Variants in RSPH9 observed in about 807,000 individuals in gnomAD.
The protein encoded by RSPH9 is radial spoke head protein 9 homolog.
RSPH9 carries 27 observed loss-of-function variants against 27.0 expected under a neutral mutation model. The ratio of observed to expected loss-of-function variants is 1.00; its 90% CI spans 0.74 to 1.38. The LOEUF is 1.38. Ranked by LOEUF, RSPH9 falls within the 40% of genes most tolerant of loss-of-function variation. The pLI, the probability that RSPH9 is intolerant of heterozygous loss-of-function variation, is 0.00. For missense variants in RSPH9, 347 were observed against 357.4 expected (o/e 0.97, Z 0.24); for synonymous variants, 145 against 147.7 (o/e 0.98, Z 0.13).
At position 43,645,264 on chromosome 6, in the gene RSPH9, G is replaced by T; in HGVS notation, c.166G>T (p.Asp56Tyr). 6.2e-7 allele frequency: 1 copy of T among 1,613,858 alleles called. No homozygotes were observed. The highest frequency in any genetic ancestry group is 8.5e-7 in the Non-Finnish European group (1 of 1,179,968). The change falls in exon 1 of 5, where the codon GAT (aspartate) becomes TAT (tyrosine). Residue 56 changes from aspartate (D) to tyrosine (Y), a missense_variant. Transcript: ENST00000372163. ...GGGCCGCATCCTTGGCCTCGTCGCCGATTACTACATCGCGCAGGGCCTGAG... is the reference window on the plus strand; with the variant it reads ...GGGCCGCATCCTTGGCCTCGTCGCCTATTACTACATCGCGCAGGGCCTGAG... ...FWGRILGLVA[D>Y]YYIAQGLSED...
intron 2 of RSPH9, among the ~76,000 whole-genome samples, chr6:43,651,753 T>C (rs1771492654): frequency 6.6e-6 from 1 of 152,096 alleles, no homozygotes; most frequent in Admixed American, 6.5e-5. Context: ...TTTACCATGT[T>C]GGCCAGGCTG....
intron 4 of RSPH9, among the ~76,000 whole-genome samples, chr6:43,667,403 G>C (rs1004636878): frequency 2.1e-5 from 3 of 145,724 alleles, no homozygotes; most frequent in African/African-American, 8.4e-5. Context: ...CTCAGTTCAG[G>C]CAGCAGAGGG....
rs766022132 is a variant in RSPH9, at chr6:43,656,609, T to G, written c.556T>G (p.Ser186Ala). 5.0e-6 allele frequency: 8 copies of G among 1,614,186 alleles called. No homozygotes were observed. Among genetic ancestry groups the G allele is most frequent in the Non-Finnish European group, 6.8e-6 (8 of 1,180,012 alleles). ...CTTGTCTGAGGCCAAGAAGCTCAGCTCCTACTTCCATTTCAGGGAGCCTGT... is the reference window on the plus strand; with the variant it reads ...CTTGTCTGAGGCCAAGAAGCTCAGCGCCTACTTCCATTTCAGGGAGCCTGT... Reference protein sequence around the residue: ...LSLSEAKKLSSYFHFREPVEL... With the variant: ...LSLSEAKKLSAYFHFREPVEL... Residue 186 changes from serine to alanine, a missense_variant, in exon 4 of 5, where the codon TCC becomes GCC. Coordinates refer to ENST00000372163, the MANE Select transcript of RSPH9 (RefSeq NM_152732.5).
chr6:43,665,138 C>A (rs1773019323), intron 4 of RSPH9, among the ~76,000 whole-genome samples: 1 of 152,194 alleles, frequency 6.6e-6, no homozygotes, highest in Non-Finnish European at 1.5e-5. Flanking sequence ...ATCCACTGTG[C>A]AGCAAGAGGG....
intron 3 of RSPH9, 35 bp downstream of exon 3, chr6:43,655,726 G>T (rs371995173): frequency 3.9e-5 from 63 of 1,613,280 alleles, no homozygotes; most frequent in Non-Finnish European, 4.8e-5. Context: ...AGGGCTGGGG[G>T]TATCTTTTCC....
intron 2 of RSPH9, among the ~76,000 whole-genome samples, chr6:43,651,254 A>G (rs1387532620): frequency 6.6e-6 from 1 of 152,002 alleles, no homozygotes; most frequent in African/African-American, 2.4e-5. Flanking sequence ...CAGTTCAGAG[A>G]GGTTAAGTGA....
chr6:43,663,955 G>A (rs1772879909), intron 4 of RSPH9, among the ~76,000 whole-genome samples: 1 of 151,508 alleles, frequency 6.6e-6, no homozygotes, highest in Admixed American at 6.6e-5. Flanking sequence ...CTTGAACCTT[G>A]GAGGCAGAGG....
intron 2 of RSPH9, 138 bp downstream of exon 2, chr6:43,650,678 G>A (rs1212264772): frequency 1.3e-5 from 11 of 850,536 alleles, no homozygotes; most frequent in Admixed American, 6.1e-5. Context: ...AGGCTGAGGC[G>A]GGTGGATCAT....
At position 43,655,865 on chromosome 6, in the gene RSPH9, G is replaced by T. The variant is rs575413585; in HGVS notation, c.523+174G>T. Among the ~76,000 whole-genome samples, 14 of 152,260 alleles carry T rather than the reference G, an allele frequency of 9.2e-5. No individual in the cohort carries two copies. In the East Asian group the frequency reaches 2.3e-3, roughly 25 times the overall value. On this transcript the variant is annotated intron_variant, in intron 3 of 4. Coordinates refer to ENST00000372163, the MANE Select transcript of RSPH9 (RefSeq NM_152732.5). ...GACCTGGCACCAGTGGTCGGTATGG[G>T]CTCCCCATCTCCTGGCCCCTGACTC...
rs1022213113 is a variant in RSPH9, at chr6:43,660,118, A to T, written c.670+3395A>T. On this transcript the variant is annotated intron_variant, in intron 4 of 4. Transcript: ENST00000372163. ...GAGTGCAGTGGTGTGATCTCAGCTC[A>T]CTGCAACCCCTGCCTCCTGGGTTCA... Among the ~76,000 whole-genome samples, 24 of 140,678 alleles carry T rather than the reference A, an allele frequency of 1.7e-4. No individual in the cohort carries two copies. The East Asian group carries it at 3.6e-3, about 21-fold the overall frequency. 92.3% of individuals were successfully genotyped at this position (140,678 alleles called of 152,430 possible). A position where few individuals can be genotyped will look rare whatever the true frequency, so the allele number is the denominator to read the frequency against.
intron 4 of RSPH9, among the ~76,000 whole-genome samples, chr6:43,668,341 GAGGAC>G (rs1773358943): frequency 6.6e-6 from 1 of 152,188 alleles, no homozygotes; most frequent in African/African-American, 2.4e-5. Flanking sequence ...GGGACGATGA[GAGGAC>G]AGGAGTGTGA....
intron 4 of RSPH9, among the ~76,000 whole-genome samples, chr6:43,665,246 C>G (rs1238693510): frequency 6.6e-6 from 1 of 152,210 alleles, no homozygotes; most frequent in Non-Finnish European, 1.5e-5. Flanking sequence ...TCAGCCCTAT[C>G]TGCCCTCTGC....
chr6:43,662,955 C>T (rs905429546), intron 4 of RSPH9, among the ~76,000 whole-genome samples: 9 of 145,724 alleles, frequency 6.2e-5, no homozygotes, highest in African/African-American at 2.5e-4. Flanking sequence ...TAGGTGTGTG[C>T]ACCATACCTG....
intron 4 of RSPH9, among the ~76,000 whole-genome samples, chr6:43,667,657 C>A (rs553463636): frequency 6.6e-6 from 1 of 152,088 alleles, no homozygotes; most frequent in Non-Finnish European, 1.5e-5. Context: ...CGATTTGATA[C>A]GGGTCTGGCA....
chr6:43,645,441 C>T (rs915120403), intron 1 of RSPH9, 116 bp downstream of exon 1: 1 of 538,720 alleles, frequency 1.9e-6, no homozygotes, highest in Non-Finnish European at 2.8e-6. Flanking sequence ...GAGGTGTGGG[C>T]GGGATCTGAG....
intron 4 of RSPH9, chr6:43,666,309 G>A: frequency 1.3e-6 from 1 of 767,120 alleles, no homozygotes; most frequent in Non-Finnish European, 2.2e-6. Context: ...GCTGGGCTGG[G>A]CTGCTAATTG....
rs1773735554 is a variant in RSPH9 at position 43,672,058 on chromosome 6, G to C, written c.*1109G>C. On this transcript the variant is annotated 3_prime_UTR_variant, in exon 5 of 5. Transcript: ENST00000372163. ...TCCTGAAGTGCAGGGATTTTCCTGGGAGTAACTGCTGAGCGTCCTGTAAAC... is the reference window on the plus strand; with the variant it reads ...TCCTGAAGTGCAGGGATTTTCCTGGCAGTAACTGCTGAGCGTCCTGTAAAC... 5 of 928,506 alleles carry C rather than the reference G, an allele frequency of 5.4e-6. No individual in the cohort carries two copies. The highest frequency in any genetic ancestry group is 3.1e-6 in the Non-Finnish European group (2 of 635,078). The allele number at this position is 928,506 out of a possible 1,614,324, so 57.5% of individuals were successfully genotyped here.
intron 4 of RSPH9, among the ~76,000 whole-genome samples, chr6:43,670,548 G>A (rs1057155740): frequency 1.3e-5 from 2 of 152,204 alleles, no homozygotes; most frequent in Admixed American, 1.3e-4. Context: ...ACTGCATTGA[G>A]TTGTGATTGC....
At chr6:43,661,132 T>C (rs1372557180) in intron 4 of RSPH9, among the ~76,000 whole-genome samples, 1 of 152,184 alleles carries the variant, frequency 6.6e-6, no homozygotes, top group Admixed American at 6.6e-5. Context: ...GGGCTTAAAG[T>C]ATTCAGTAAA....
Sources: allele counts gnomAD v4.1 joint callset (sites outside exome capture counted in the v4.1 genomes callset), GRCh38; gene constraint gnomAD v4.1.1; transcripts MANE v1.5; gene names NCBI Gene and HGNC (gene_info 2026-07-23, HGNC 2026-07-21).